Variants in PAPOLG observed in about 807,000 individuals in gnomAD.
PAPOLG encodes PAP-gamma.
Under a neutral mutation model 99.0 loss-of-function variants are expected in PAPOLG, and 40 were observed. The observed-to-expected ratio is 0.40, with a 90% CI of 0.31 to 0.53. The LOEUF (loss-of-function observed/expected upper bound fraction) is 0.53, where lower values mean the gene tolerates loss of function less well. Among genes scored for constraint, PAPOLG ranks in the 20% least tolerant of loss-of-function variants. The pLI, the probability that PAPOLG is intolerant of heterozygous loss-of-function variation, is 0.41. For synonymous variants in PAPOLG, 310 were observed against 299.3 expected, an observed-to-expected ratio of 1.04 and a Z score of -0.37; for missense variants, 675 against 884.1, an observed-to-expected ratio of 0.76 and a Z score of 3.00.
intron 3 of PAPOLG, among the ~76,000 whole-genome samples, chr2:60,765,389 TC>T (rs1670646366): frequency 8.0e-6 from 1 of 125,650 alleles, no homozygotes; most frequent in African/African-American, 3.0e-5. Flanking sequence ...CCTATAATTC[TC>T]TTTTTTTTTT....
At chr2:60,780,892 CTA>C in intron 10 of PAPOLG, 113 bp downstream of exon 10, 1 of 850,138 alleles carries the variant, frequency 1.2e-6, no homozygotes, top group Non-Finnish European at 1.9e-6. Flanking sequence ...TTCTATATAA[CTA>C]TAGTCCCCTT....
intron 3 of PAPOLG, among the ~76,000 whole-genome samples, chr2:60,762,240 A>G (rs1209849417): frequency 2.0e-5 from 3 of 152,000 alleles, no homozygotes; most frequent in African/African-American, 4.8e-5. Context: ...AGCAGTTACT[A>G]TGTTTCTCAT....
chr2:60,793,876 A>C (rs946596547), intron 18 of PAPOLG, 95 bp from the exon 19 acceptor site: 1 of 1,441,504 alleles, frequency 6.9e-7, no homozygotes, highest in Non-Finnish European at 9.4e-7. Flanking sequence ...AAGCCACTGC[A>C]CTGCAGCCTG....
intron 3 of PAPOLG, among the ~76,000 whole-genome samples, chr2:60,764,862 T>G (rs1176355895): frequency 6.6e-6 from 1 of 152,244 alleles, no homozygotes; most frequent in African/African-American, 2.4e-5. Context: ...TAACATGGTA[T>G]TTATGCTATT....
intron 1 of PAPOLG, among the ~76,000 whole-genome samples, chr2:60,757,700 A>T (rs1339502318): frequency 6.6e-6 from 1 of 152,138 alleles, no homozygotes; most frequent in African/African-American, 2.4e-5. Flanking sequence ...TTTATTTCTA[A>T]GTTTTTAATG....
intron 3 of PAPOLG, among the ~76,000 whole-genome samples, chr2:60,768,190 CTCCCAGGTTCAAG>C (rs1239708992): frequency 6.6e-6 from 1 of 152,184 alleles, no homozygotes. Flanking sequence ...CAACCTCCAC[CTCCCAGGTTCAAG>C]TGATTCTCCT....
chr2:60,756,553 C>G lies in PAPOLG; in HGVS notation c.17+58C>G, dbSNP rs373103156. 257 of 1,525,576 alleles carry G rather than the reference C, an allele frequency of 1.7e-4. 1 individual carries two copies. Among genetic ancestry groups the G allele is most frequent in the Middle Eastern group, 2.4e-4 (1 of 4,122 alleles). The allele number at this position is 1,525,576 out of a possible 1,614,324, so 94.5% of individuals were successfully genotyped here. ...CGGGTAGGGGTGAGCTGAGGTGGTC[C>G]GACTGTGTCCTTGTTTCCGTTCCCT... On this transcript the variant is annotated intron_variant, in intron 1 of 21. Transcript: ENST00000238714.
chr2:60,783,324 C>T (rs77961044), intron 13 of PAPOLG, 115 bp downstream of exon 13: 92 of 158,328 alleles, frequency 5.8e-4, no homozygotes, highest in Middle Eastern at 2.6e-3. Context: ...TATTATATCT[C>T]TTTTTTTTTT....
intron 17 of PAPOLG, among the ~76,000 whole-genome samples, chr2:60,793,205 TAAAAAAAAA>T (rs779034834): frequency 1.1e-4 from 5 of 45,528 alleles, no homozygotes; most frequent in East Asian, 1.3e-3. Flanking sequence ...ATACCATGTC[TAAAAAAAAA>T]AAAAAAAAAA....
intron 13 of PAPOLG, among the ~76,000 whole-genome samples, chr2:60,786,735 G>A (rs1671374102): frequency 6.6e-6 from 1 of 152,018 alleles, no homozygotes. Context: ...TTGCCGTGTT[G>A]GCCAAACTGG....
chr2:60,792,710 A>G (rs1190574999), intron 17 of PAPOLG, among the ~76,000 whole-genome samples: 1 of 152,174 alleles, frequency 6.6e-6, no homozygotes, highest in East Asian at 1.9e-4. Flanking sequence ...AGCCTGGGTA[A>G]CATGGCAAAA....
intron 8 of PAPOLG, among the ~76,000 whole-genome samples, chr2:60,776,982 A>T (rs561291653): frequency 6.6e-6 from 1 of 152,170 alleles, no homozygotes; most frequent in African/African-American, 2.4e-5. Flanking sequence ...AGTTGTGGAG[A>T]TGGCTTCTTT....
At chr2:60,787,858 C>T (rs542961483) in intron 15 of PAPOLG, among the ~76,000 whole-genome samples, 1 of 152,258 alleles carries the variant, frequency 6.6e-6, no homozygotes, top group South Asian at 2.1e-4. Context: ...TCGAGACCAG[C>T]CTGGCTAATA....
intron 3 of PAPOLG, among the ~76,000 whole-genome samples, chr2:60,763,269 CAA>C (rs1056102154): frequency 4.0e-5 from 6 of 151,206 alleles, no homozygotes; most frequent in African/African-American, 1.2e-4. Context: ...TTTGTAGACA[CAA>C]GAGTATCACT....
intron 17 of PAPOLG, among the ~76,000 whole-genome samples, chr2:60,792,576 A>G (rs1392701299): frequency 2.0e-5 from 3 of 152,096 alleles, no homozygotes; most frequent in Non-Finnish European, 4.4e-5. Flanking sequence ...TTTTAGTTCA[A>G]TGAAATGTTA....
intron 21 of PAPOLG, among the ~76,000 whole-genome samples, chr2:60,795,755 G>T (rs1346349223): frequency 3.9e-5 from 6 of 151,954 alleles, no homozygotes; most frequent in East Asian, 3.8e-4. Context: ...ACCCTGCCAG[G>T]TTCTCCAGGA....
chr2:60,774,905 C>A (rs1223750521), intron 7 of PAPOLG, 129 bp from the exon 8 acceptor site: 2 of 1,452,880 alleles, frequency 1.4e-6, no homozygotes, highest in Admixed American at 2.6e-5. Context: ...ATTTCATACA[C>A]ATAAAATAAG....
At chr2:60,785,146 G>GT (rs965212661) in intron 13 of PAPOLG, among the ~76,000 whole-genome samples, 47 of 147,620 alleles carry the variant, frequency 3.2e-4, no homozygotes, top group South Asian at 4.4e-4. Flanking sequence ...TTTGTTTTTT[G>GT]TTTTTTTTTT....
intron 5 of PAPOLG, among the ~76,000 whole-genome samples, chr2:60,769,392 A>G (rs1268115115): frequency 2.6e-5 from 4 of 152,346 alleles, no homozygotes; most frequent in Middle Eastern, 3.4e-3. Context: ...TACAGATACA[A>G]TAGTAAACAA....
Sources: allele counts gnomAD v4.1 joint callset (sites outside exome capture counted in the v4.1 genomes callset), GRCh38; gene constraint gnomAD v4.1.1; transcripts MANE v1.5; gene names NCBI Gene and HGNC (gene_info 2026-07-23, HGNC 2026-07-21).